The following MAN2A1 variants were observed in gnomAD, a reference collection of about 807,000 sequenced individuals.
The protein encoded by MAN2A1 is mannosidase alpha class 2A member 1, also known as alpha-mannosidase 2.
MAN2A1 carries 76 observed loss-of-function variants against 142.6 expected under a neutral mutation model. The observed-to-expected ratio is 0.53, with a 90% CI of 0.44 to 0.65. The LOEUF (loss-of-function observed/expected upper bound fraction) is 0.65. Among genes scored for constraint, MAN2A1 ranks in the 30% least tolerant of loss-of-function variants. The probability of loss-of-function intolerance (pLI) is 0.00; values close to 1 mark genes in which losing one functional copy is unlikely to be tolerated. For missense variants in MAN2A1, 1,311 were observed against 1,365.1 expected (o/e 0.96, Z 0.62); for synonymous variants, 559 against 473.2 (o/e 1.18, Z -2.35).
At position 109,847,935 on chromosome 5, in the gene MAN2A1, A is replaced by G. The variant is rs148878516; in HGVS notation, c.2976+145A>G. The G allele has an allele frequency of 1.5e-3, 696 of 479,252 alleles. 5 individuals carry two copies. The highest frequency in any genetic ancestry group is 0.013 in the African/African-American group (654 of 49,858). The allele number at this position is 479,252 out of a possible 1,614,324, so 29.7% of individuals were successfully genotyped here. ...AGTAGATGTGGCCCACATTCACAGA[A>G]AGAGAACTTCAGTTATAAATATCGT... is the stretch of plus-strand genomic sequence containing the variant. On this transcript the variant is annotated intron_variant, in intron 19 of 21. Coordinates refer to ENST00000261483, the MANE Select transcript of MAN2A1 (RefSeq NM_002372.4).
intron 16 of MAN2A1, among the ~76,000 whole-genome samples, chr5:109,832,673 C>T (rs1754946244): frequency 1.3e-5 from 2 of 152,226 alleles, no homozygotes; most frequent in African/African-American, 4.8e-5. Flanking sequence ...GGCCCGTTCT[C>T]AATGAGCTGC....
chr5:109,830,228 AATCACATTGGG>A (rs1375987476), intron 16 of MAN2A1, among the ~76,000 whole-genome samples: 1 of 152,196 alleles, frequency 6.6e-6, no homozygotes, highest in Non-Finnish European at 1.5e-5. Flanking sequence ...CTTATAAGGG[AATCACATTGGG>A]ATTTGGAGAT....
At position 109,867,796 on chromosome 5, in the gene MAN2A1, G is replaced by A. The variant is rs1190241575; in HGVS notation, c.*798G>A. 3 of 152,136 alleles carry A rather than the reference G, an allele frequency of 2.0e-5. No individual in the cohort carries two copies. The highest frequency in any genetic ancestry group is 4.4e-5 in the Non-Finnish European group (3 of 67,966). The allele number at this position is 152,136 out of a possible 1,614,324, so 9.4% of individuals were successfully genotyped here. On this transcript the variant is annotated 3_prime_UTR_variant, in exon 22 of 22. Transcript: ENST00000261483. ...ATTTGAATACAGGTGTTCTGAGAAG[G>A]GGTTTCTATTTTAAAATTACCATAT...
intron 10 of MAN2A1, among the ~76,000 whole-genome samples, chr5:109,788,041 T>C (rs1402410884): frequency 6.6e-6 from 1 of 151,604 alleles, no homozygotes; most frequent in Non-Finnish European, 1.5e-5. Context: ...GGTTTTCTTG[T>C]TGTTGTTGCA....
At chr5:109,856,554 G>C (rs967275759) in intron 20 of MAN2A1, among the ~76,000 whole-genome samples, 1 of 152,206 alleles carries the variant, frequency 6.6e-6, no homozygotes, top group African/African-American at 2.4e-5. Flanking sequence ...CAGAGAGGAA[G>C]GGATGAAGAC....
At chr5:109,827,906 C>G (rs1330519842) in intron 16 of MAN2A1, among the ~76,000 whole-genome samples, 1 of 152,060 alleles carries the variant, frequency 6.6e-6, no homozygotes. Flanking sequence ...TCAAGACCAT[C>G]CTGGCTAACA....
At chr5:109,741,017 C>G (rs1158592258) in intron 4 of MAN2A1, among the ~76,000 whole-genome samples, 4 of 152,064 alleles carry the variant, frequency 2.6e-5, no homozygotes, top group Non-Finnish European at 5.9e-5. Flanking sequence ...TCCAATATTA[C>G]ACATAAAATA....
chr5:109,764,953 A>G (rs977467518), intron 5 of MAN2A1, among the ~76,000 whole-genome samples: 2 of 152,146 alleles, frequency 1.3e-5, no homozygotes, highest in Admixed American at 6.5e-5. Context: ...ATTTTTCTGA[A>G]TCATTTGAGA....
At chr5:109,774,474 C>A (rs7712573) in intron 7 of MAN2A1, among the ~76,000 whole-genome samples, 151,777 of 152,146 alleles carry the variant, frequency 1, 75,706 homozygotes, top group Middle Eastern at 1. Flanking sequence ...TTAGGAAGTC[C>A]TTGGTACCCC....
chr5:109,840,681 T>C, intron 16 of MAN2A1: 1 of 436,936 alleles, frequency 2.3e-6, no homozygotes, highest in Non-Finnish European at 4.4e-6. Flanking sequence ...TTCTCTGCTT[T>C]ATCAGTCATT....
chr5:109,828,523 A>G (rs1754819614), intron 16 of MAN2A1, among the ~76,000 whole-genome samples: 1 of 152,226 alleles, frequency 6.6e-6, no homozygotes, highest in African/African-American at 2.4e-5. Context: ...AGCTGTAATT[A>G]TTGGACTTTA....
In MAN2A1 at chr5:109,817,192, ATATG is replaced by A. The variant is rs1754485920; in HGVS notation, c.1944-77_1944-74del. The A allele has an allele frequency of 3.0e-5, 35 of 1,184,324 alleles. No homozygotes were observed. In the South Asian group the frequency reaches 4.2e-4, roughly 14 times the overall value. The allele number at this position is 1,184,324 out of a possible 1,614,324, so 73.4% of individuals were successfully genotyped here. A position where few individuals can be genotyped will look rare whatever the true frequency, so the allele number is the denominator to read the frequency against. ...AAAATATATATGTATATGTATATGT[ATATG>A]TATATCTACATGTATATGTATATGT... On this transcript the variant is annotated intron_variant, in intron 12 of 21. Transcript: ENST00000261483.
chr5:109,807,089 G>A (rs910293616), intron 12 of MAN2A1, among the ~76,000 whole-genome samples: 1 of 152,054 alleles, frequency 6.6e-6, no homozygotes, highest in Non-Finnish European at 1.5e-5. Flanking sequence ...TAACCAGCTA[G>A]TAGCTTCCAG....
intron 20 of MAN2A1, among the ~76,000 whole-genome samples, chr5:109,857,125 G>T (rs139436439): frequency 6.6e-6 from 1 of 152,202 alleles, no homozygotes; most frequent in African/African-American, 2.4e-5. Context: ...TGGGGGTAGA[G>T]TGCTCCAGGA....
intron 5 of MAN2A1, among the ~76,000 whole-genome samples, chr5:109,756,800 G>A (rs1752701469): frequency 1.3e-5 from 2 of 152,192 alleles, no homozygotes; most frequent in African/African-American, 2.4e-5. Context: ...ATATCCTAAC[G>A]ATAAGAGTGG....
At chr5:109,801,067 G>A (rs1754015891) in intron 12 of MAN2A1, among the ~76,000 whole-genome samples, 1 of 152,000 alleles carries the variant, frequency 6.6e-6, no homozygotes, top group African/African-American at 2.4e-5. Flanking sequence ...ATTTTGTATT[G>A]CACTGAACTG....
chr5:109,774,158 A>G (rs9326781), intron 7 of MAN2A1, among the ~76,000 whole-genome samples: 12,549 of 152,248 alleles, frequency 0.082, 601 homozygotes, highest in African/African-American at 0.14. Context: ...TCTGATGGTC[A>G]GTATTGAAAA....
rs933351770 is a variant in MAN2A1, at chr5:109,868,276, G to C, written c.*1278G>C. On this transcript the variant is annotated 3_prime_UTR_variant, in exon 22 of 22. Coordinates refer to ENST00000261483, the MANE Select transcript of MAN2A1 (RefSeq NM_002372.4). ...ACTAAGGAATATGTTTGTTCATTCA[G>C]TTCTCAACTTTTGTATGTGCTAACC... 3 of 152,168 alleles carry C rather than the reference G, an allele frequency of 2.0e-5. No homozygotes were observed. The highest frequency in any genetic ancestry group is 6.5e-5 in the Admixed American group (1 of 15,270). 9.4% of individuals were successfully genotyped at this position (152,168 alleles called of 1,614,324 possible).
At chr5:109,704,362 T>G (rs1408563465) in intron 1 of MAN2A1, among the ~76,000 whole-genome samples, 1 of 152,242 alleles carries the variant, frequency 6.6e-6, no homozygotes, top group African/African-American at 2.4e-5. Context: ...TGTGCTCACA[T>G]CGTGAGGGCA....
Sources: gnomAD v4.1 joint callset for allele counts (sites outside exome capture counted in the v4.1 genomes callset) on GRCh38, gnomAD v4.1.1 for gene constraint, MANE v1.5 for transcripts, NCBI Gene and HGNC (gene_info 2026-07-23, HGNC 2026-07-21) for gene names.